Variants in BRD8 observed in about 807,000 individuals in gnomAD.
BRD8 encodes bromodomain containing 8.
In BRD8, 67 loss-of-function variants were observed where a neutral mutation model predicts 143.1. That is an observed-to-expected ratio of 0.47 (90% CI 0.38 to 0.57). BRD8 has a LOEUF of 0.57. Among genes scored for constraint, BRD8 ranks in the 20% least tolerant of loss-of-function variants. The pLI, the probability that BRD8 is intolerant of heterozygous loss-of-function variation, is 0.00. For synonymous variants in BRD8, 505 were observed against 517.1 expected (o/e 0.98, Z 0.32); for missense variants, 1,103 against 1,503.0 (o/e 0.73, Z 4.40).
At chr5:138,171,749 C>G (rs1225988963) in intron 3 of BRD8, among the ~76,000 whole-genome samples, 1 of 152,106 alleles carries the variant, frequency 6.6e-6, no homozygotes, top group Non-Finnish European at 1.5e-5. Flanking sequence ...CACAACAATC[C>G]TGAAGCAACT....
In BRD8 at chr5:138,165,087, T is replaced by C. The variant is rs1242430267; in HGVS notation, c.1358A>G (p.Gln453Arg). The change falls in exon 12 of 27, where the codon CAG becomes CGG. Residue 453 changes from glutamine (Q) to arginine (R), a missense_variant. Physicochemically the swap from Gln to Arg is conservative, Grantham distance 43. Transcript: ENST00000254900. ...ATGCTCCCAGGGGCCAGGCAGGGAC[T>C]GAGGATCATCATTTTCTTCACAAAA... is the stretch of plus-strand genomic sequence containing the variant. Reference protein sequence around the residue: ...LSFCEENDDPQSLPGPWEHPI... With the variant: ...LSFCEENDDPRSLPGPWEHPI... 9 of 1,614,044 alleles carry C rather than the reference T, an allele frequency of 5.6e-6. No homozygotes were observed. The highest frequency in any genetic ancestry group is 1.3e-5 in the African/African-American group (1 of 74,920).
chr5:138,177,303 G>A (rs2151226633), intron 2 of BRD8: 1 of 245,530 alleles, frequency 4.1e-6, no homozygotes, highest in Non-Finnish European at 8.2e-6. Flanking sequence ...GCCGAGGTGG[G>A]GGGATCACCT....
chr5:138,167,828 G>T, intron 9 of BRD8, 106 bp downstream of exon 9: 1 of 992,882 alleles, frequency 1.0e-6, no homozygotes, highest in South Asian at 1.3e-5. Context: ...AGAAAAAGTT[G>T]GGCTTTAAAT....
At chr5:138,141,011 G>A in intron 25 of BRD8, 129 bp from the exon 26 acceptor site, 1 of 958,034 alleles carries the variant, frequency 1.0e-6, no homozygotes, top group African/African-American at 1.6e-5. Context: ...ACCCTCATCA[G>A]ATAATAAAAT....
chr5:138,172,262 C>A (rs765728625), intron 2 of BRD8, 128 bp from the exon 3 acceptor site: 1 of 653,558 alleles, frequency 1.5e-6, no homozygotes, highest in Non-Finnish European at 2.6e-6. Context: ...CGGTGGCTCA[C>A]GCCTGTAATC....
chr5:138,178,083 T>G (rs903908311), intron 1 of BRD8, among the ~76,000 whole-genome samples: 10 of 152,078 alleles, frequency 6.6e-5, no homozygotes, highest in African/African-American at 2.4e-4. Flanking sequence ...AGCATAAACT[T>G]GTTTACTTCT....
chr5:138,152,504 T>C lies in BRD8; in HGVS notation c.2834A>G (p.Asn945Ser), dbSNP rs753328688. The C allele has an allele frequency of 3.1e-6, 5 of 1,613,866 alleles. No homozygotes were observed. Among genetic ancestry groups the C allele is most frequent in the East Asian group, 4.5e-5 (2 of 44,878 alleles). Residue 945 changes from asparagine to serine, a missense_variant, in exon 21 of 27, where the codon AAC (asparagine) becomes AGC (serine). Physicochemically the swap from Asn to Ser is conservative, Grantham distance 46. Transcript: ENST00000254900. ...TACCTCAGAGAGAAAGTGGAGGAGG[T>C]TCTGGTGGCTGGCTTTCCTTGCCGC... ...QEAARKASHQ[N>S]LLHFLSEVAY...
chr5:138,157,225 T>G, intron 20 of BRD8: 1 of 1,613,786 alleles, frequency 6.2e-7, no homozygotes, highest in Non-Finnish European at 8.5e-7. Flanking sequence ...TTCATCTTCA[T>G]ATCTGCTTCA....
chr5:138,172,289 C>A (rs1057110170), intron 2 of BRD8, among the ~76,000 whole-genome samples, 155 bp from the exon 3 acceptor site: 12 of 151,486 alleles, frequency 7.9e-5, no homozygotes, highest in African/African-American at 2.7e-4. Flanking sequence ...CTTTGGGAGG[C>A]CAAGACGGGT....
chr5:138,142,248 A>G (rs931792256), intron 25 of BRD8, among the ~76,000 whole-genome samples: 13 of 152,188 alleles, frequency 8.5e-5, no homozygotes, highest in Non-Finnish European at 1.9e-4. Context: ...AGCAGAGAGT[A>G]ACCCACCTCA....
rs767211853 is a variant in BRD8, at chr5:138,167,923, T to C, written c.787+11A>G. 32 of 1,612,508 alleles carry C rather than the reference T, an allele frequency of 2.0e-5. No homozygotes were observed. Among genetic ancestry groups the C allele is most frequent in the Non-Finnish European group, 2.7e-5 (32 of 1,178,622 alleles). On this transcript the variant is annotated intron_variant, in intron 9 of 26. Transcript: ENST00000254900. ...ACCTTTGAGGTTGATAAAGGAAAAG[T>C]GGTAACTTACCTGATGCAGCAGGGG...
chr5:138,176,540 C>T (rs997689060), intron 2 of BRD8, among the ~76,000 whole-genome samples: 2 of 152,176 alleles, frequency 1.3e-5, no homozygotes, highest in African/African-American at 2.4e-5. Context: ...AACTACTACA[C>T]TCCAGCCTGT....
rs1752305809 is a variant in BRD8, at chr5:138,149,746, A to G, written c.3172T>C (p.Ser1058Pro). ...GAAGGGGGCTGGTCTTCCATCTCTG[A>G]CACATATACTTCACCCTGGTCCTCC... ...KGEDQGEVYV[S>P]EMEDQPPSGE... Residue 1058 changes from serine to proline, a missense_variant, in exon 23 of 27, where the codon TCA (serine) becomes CCA (proline). Transcript: ENST00000254900. 1.2e-6 allele frequency: 2 copies of G among 1,613,586 alleles called. No individual in the cohort carries two copies. Among genetic ancestry groups the G allele is most frequent in the South Asian group, 1.1e-5 (1 of 90,968 alleles).
At chr5:138,162,604 G>C (rs903538530) in intron 15 of BRD8, among the ~76,000 whole-genome samples, 1 of 152,090 alleles carries the variant, frequency 6.6e-6, no homozygotes, top group African/African-American at 2.4e-5. Flanking sequence ...GCTTTGGGAG[G>C]TCAAGGCAAG....
chr5:138,151,522 T>A (rs1278173190), intron 21 of BRD8, among the ~76,000 whole-genome samples: 1 of 152,192 alleles, frequency 6.6e-6, no homozygotes, highest in East Asian at 1.9e-4. Context: ...ATTTTAAGCT[T>A]CAAGGAAAAT....
At chr5:138,146,417 G>A (rs1388235145) in intron 23 of BRD8, among the ~76,000 whole-genome samples, 6 of 148,062 alleles carry the variant, frequency 4.1e-5, no homozygotes, top group Non-Finnish European at 8.9e-5. Flanking sequence ...GTGCAGTAGT[G>A]TGATCGTGGC....
chr5:138,174,270 A>G (rs976740177), intron 2 of BRD8, among the ~76,000 whole-genome samples: 1 of 152,096 alleles, frequency 6.6e-6, no homozygotes, highest in South Asian at 2.1e-4. Flanking sequence ...AAATGTATAT[A>G]TATTTCAAAA....
In BRD8 at chr5:138,170,822, T is replaced by C; in HGVS notation, c.440+10A>G. ...AAAGAAGCACAGAAGAACAATATAA[T>C]ATAACCCACGTTGCAATGTCATTGC... On this transcript the variant is annotated intron_variant, in intron 6 of 26. Transcript: ENST00000254900. 6.2e-7 allele frequency: 1 copy of C among 1,610,438 alleles called. No homozygotes were observed. The highest frequency in any genetic ancestry group is 8.5e-7 in the Non-Finnish European group (1 of 1,176,696).
chr5:138,140,174 G>T lies in BRD8; in HGVS notation c.3616-8C>A. The T allele has an allele frequency of 6.3e-6, 10 of 1,593,030 alleles. No individual in the cohort carries two copies. Among genetic ancestry groups the T allele is most frequent in the Non-Finnish European group, 8.6e-6 (10 of 1,161,074 alleles). The stretch of plus-strand genomic sequence containing the variant: ...TAACCAGATATTCAGTACCTAAAGG[G>T]TTAAGGAACACATAGCAAGCTATTA... On this transcript the variant is annotated splice_region_variant and splice_polypyrimidine_tract_variant and intron_variant, in intron 26 of 26. Transcript: ENST00000254900.
Sources: allele counts gnomAD v4.1 joint callset (sites outside exome capture counted in the v4.1 genomes callset), GRCh38; gene constraint gnomAD v4.1.1; transcripts MANE v1.5; gene names NCBI Gene and HGNC (gene_info 2026-07-23, HGNC 2026-07-21).